Variants in PDE10A observed in about 807,000 individuals in gnomAD.
PDE10A encodes the protein phosphodiesterase 10A, also known as cAMP and cAMP-inhibited cGMP 3',5'-cyclic phosphodiesterase 10A.
A neutral mutation model predicts 97.7 loss-of-function variants in PDE10A; 39 were observed. The ratio of observed to expected loss-of-function variants is 0.40; its 90% CI spans 0.31 to 0.52. PDE10A has a LOEUF of 0.52. PDE10A is among the 20% of genes least tolerant of loss of function. PDE10A has a pLI of 0.56. For missense variants in PDE10A, 731 were observed against 1,047.8 expected (o/e 0.70, Z 4.17); for synonymous variants, 371 against 376.8 (o/e 0.98, Z 0.18).
At chr6:165,452,751 T>C (rs1490003287) in intron 3 of PDE10A, among the ~76,000 whole-genome samples, 1 of 151,914 alleles carries the variant, frequency 6.6e-6, no homozygotes, top group Non-Finnish European at 1.5e-5. Flanking sequence ...TACCAGGAAG[T>C]GGGGCTGTGG....
chr6:165,631,792 G>A (rs1404928432), intron 1 of PDE10A, among the ~76,000 whole-genome samples: 3 of 151,558 alleles, frequency 2.0e-5, no homozygotes, highest in East Asian at 2.0e-4. Flanking sequence ...CATATAAAAC[G>A]TAAGTTTAAC....
At chr6:165,726,459 G>T (rs1792296063) in intron 1 of PDE10A, among the ~76,000 whole-genome samples, 1 of 152,152 alleles carries the variant, frequency 6.6e-6, no homozygotes, top group African/African-American at 2.4e-5. Flanking sequence ...CAAAATAAAT[G>T]ACTGCCCGGA....
chr6:165,593,657 A>G (rs1478203074), intron 1 of PDE10A, among the ~76,000 whole-genome samples: 1 of 152,240 alleles, frequency 6.6e-6, no homozygotes, highest in Non-Finnish European at 1.5e-5. Context: ...TTATTTAAAG[A>G]CTTTCTAGTA....
intron 1 of PDE10A, among the ~76,000 whole-genome samples, chr6:165,619,377 G>A (rs1255102791): frequency 1.9e-4 from 25 of 132,176 alleles, no homozygotes; most frequent in African/African-American, 8.2e-4. Context: ...GTGTGGTGTA[G>A]TGTAGTCTAG....
intron 1 of PDE10A, among the ~76,000 whole-genome samples, chr6:165,545,025 C>A (rs936670571): frequency 2.6e-5 from 4 of 152,068 alleles, no homozygotes; most frequent in African/African-American, 9.6e-5. Flanking sequence ...TCCCTAAAAA[C>A]AAAAGGTGCA....
At chr6:165,892,564 T>C (rs758365303) in intron 1 of PDE10A, among the ~76,000 whole-genome samples, 5 of 152,176 alleles carry the variant, frequency 3.3e-5, no homozygotes, top group Non-Finnish European at 7.3e-5. Context: ...CATGGGTGCA[T>C]GCGCTCTCCT....
At chr6:165,973,949 T>C (rs1179970654) in intron 1 of PDE10A, among the ~76,000 whole-genome samples, 1 of 152,242 alleles carries the variant, frequency 6.6e-6, no homozygotes, top group Non-Finnish European at 1.5e-5. Context: ...CCAGTCATTG[T>C]CTGAAGCAAG....
In PDE10A at chr6:165,760,263, A is replaced by G. The variant is rs181381292; in HGVS notation, c.-614-216695T>C. ...AGATTTAATGGATTATTCCTACACT[A>G]TCTGGCAAGCCTAGAATTGAAAGTG... On this transcript the variant is annotated intron_variant, in intron 1 of 19. Coordinates refer to the PDE10A transcript ENST00000366882. Among the ~76,000 whole-genome samples, 24 of 152,218 alleles carry G rather than the reference A, an allele frequency of 1.6e-4. 1 individual carries two copies. The highest frequency in any genetic ancestry group is 1.6e-3 in the Admixed American group (24 of 15,290).
chr6:165,827,382 C>G (rs1779792869), intron 1 of PDE10A, among the ~76,000 whole-genome samples: 1 of 152,220 alleles, frequency 6.6e-6, no homozygotes, highest in Non-Finnish European at 1.5e-5. Context: ...CGCCAAGCTC[C>G]ACCCCGAACT....
upstream of PDE10A, among the ~76,000 whole-genome samples, chr6:165,664,440 C>G (rs1300836112): frequency 6.6e-6 from 1 of 152,166 alleles, no homozygotes; most frequent in East Asian, 1.9e-4. Flanking sequence ...TCCCCTCCCC[C>G]AGTAAAGTCC....
intron 2 of PDE10A, among the ~76,000 whole-genome samples, chr6:165,486,232 T>C (rs771432430): frequency 3.3e-5 from 5 of 152,250 alleles, no homozygotes; most frequent in African/African-American, 9.6e-5. Context: ...GGATATGTTA[T>C]GTGCACTTTT....
chr6:165,746,201 A>T (rs1321458914), intron 1 of PDE10A, among the ~76,000 whole-genome samples: 1 of 152,208 alleles, frequency 6.6e-6, no homozygotes, highest in African/African-American at 2.4e-5. Flanking sequence ...ATGATGACCA[A>T]AGAGATATAA....
chr6:165,806,600 T>C (rs967965840), intron 1 of PDE10A, among the ~76,000 whole-genome samples: 1 of 152,184 alleles, frequency 6.6e-6, no homozygotes, highest in Non-Finnish European at 1.5e-5. Context: ...GACTCTCCTA[T>C]TGCGTCTCTT....
chr6:165,955,075 C>T (rs572845564), intron 1 of PDE10A, among the ~76,000 whole-genome samples: 4 of 152,210 alleles, frequency 2.6e-5, no homozygotes, highest in East Asian at 1.9e-4. Context: ...TCGCCGTTTC[C>T]GTGACAGCTC....
At chr6:165,626,044 A>T (rs915418065) in intron 1 of PDE10A, among the ~76,000 whole-genome samples, 1 of 152,196 alleles carries the variant, frequency 6.6e-6, no homozygotes, top group Non-Finnish European at 1.5e-5. Flanking sequence ...CCCAACATTT[A>T]GAGATTGAGA....
chr6:165,551,305 C>T (rs557149864), intron 1 of PDE10A, among the ~76,000 whole-genome samples: 1 of 152,306 alleles, frequency 6.6e-6, no homozygotes, highest in East Asian at 1.9e-4. Flanking sequence ...ATTTACCTCT[C>T]ATGCATTTAT....
intron 18 of PDE10A, among the ~76,000 whole-genome samples, chr6:165,378,674 T>C (rs2128206574): frequency 6.6e-6 from 1 of 152,326 alleles, no homozygotes; most frequent in South Asian, 2.1e-4. Flanking sequence ...GTTCACCAAA[T>C]AAACTTTTCA....
At chr6:165,793,527 T>G (rs992065370) in intron 1 of PDE10A, among the ~76,000 whole-genome samples, 3 of 152,150 alleles carry the variant, frequency 2.0e-5, no homozygotes, top group African/African-American at 7.2e-5. Flanking sequence ...GTGCGCTCCC[T>G]GAAATCTTCC....
At chr6:165,647,376 C>T (rs1374891541) in intron 1 of PDE10A, among the ~76,000 whole-genome samples, 1 of 152,182 alleles carries the variant, frequency 6.6e-6, no homozygotes, top group East Asian at 1.9e-4. Context: ...TGCTTTTAGA[C>T]AGGACCGAGT....
Sources: allele counts gnomAD v4.1 joint callset (sites outside exome capture counted in the v4.1 genomes callset), GRCh38; gene constraint gnomAD v4.1.1; transcripts MANE v1.5; gene names NCBI Gene and HGNC (gene_info 2026-07-23, HGNC 2026-07-21).